The following ENPP6 variants were observed in gnomAD, a reference collection of about 807,000 sequenced individuals.
ENPP6 encodes ectonucleotide pyrophosphatase/phosphodiesterase 6.
In ENPP6, 32 loss-of-function variants were observed where a neutral mutation model predicts 42.0. That is an observed-to-expected ratio of 0.76 (90% CI 0.58 to 1.02). The LOEUF (loss-of-function observed/expected upper bound fraction) is 1.02. Ranked by LOEUF, ENPP6 falls within the 50% of genes least tolerant of loss-of-function variation. The pLI is 0.00. For missense variants in ENPP6, 552 were observed against 566.8 expected, an observed-to-expected ratio of 0.97 and a Z score of 0.27; for synonymous variants, 213 against 216.0, an observed-to-expected ratio of 0.99 and a Z score of 0.12.
intron 1 of ENPP6, among the ~76,000 whole-genome samples, chr4:184,210,138 A>C (rs2111124096): frequency 6.6e-6 from 1 of 151,774 alleles, no homozygotes; most frequent in African/African-American, 2.4e-5. Flanking sequence ...AATCATGCCA[A>C]AGTATAAAGA....
chr4:184,209,124 C>G lies in ENPP6; in HGVS notation c.241+8455G>C, dbSNP rs564091400. ...CAAAGACCAAAAGTAGATAAAACCA[C>G]AAAGATGGGGAAAAAACAGAACAGA... On this transcript the variant is annotated intron_variant, in intron 1 of 7. Transcript: ENST00000296741. Among the ~76,000 whole-genome samples, 10 of 150,890 alleles carry G rather than the reference C, an allele frequency of 6.6e-5. No individual in the cohort carries two copies. In the South Asian group the frequency reaches 2.1e-3, roughly 32 times the overall value.
chr4:184,186,634 G>A (rs946453339), intron 1 of ENPP6, among the ~76,000 whole-genome samples: 7 of 152,160 alleles, frequency 4.6e-5, no homozygotes, highest in African/African-American at 1.7e-4. Context: ...ATGGTCAAAA[G>A]GTTAAATACA....
chr4:184,131,606 C>G (rs925341202), intron 2 of ENPP6, among the ~76,000 whole-genome samples: 12 of 151,362 alleles, frequency 7.9e-5, no homozygotes, highest in Admixed American at 7.2e-4. Context: ...TCAGGTGATC[C>G]ACCTGCCTTG....
At chr4:184,155,685 C>G (rs1473276669) in intron 1 of ENPP6, among the ~76,000 whole-genome samples, 3 of 152,182 alleles carry the variant, frequency 2.0e-5, no homozygotes, top group African/African-American at 4.8e-5. Context: ...CATTTTAGAA[C>G]AAGGCCATGA....
At position 184,130,430 on chromosome 4, in the gene ENPP6, C is replaced by G. The variant is rs575969538; in HGVS notation, c.422-6158G>C. ...AAAATTAGCCGGGCGTGGTGGTGGG[C>G]ACCTGTAGTCCCAGCTACTCGGGAG... On this transcript the variant is annotated intron_variant, in intron 2 of 7. Transcript: ENST00000296741. Among the ~76,000 whole-genome samples the G allele has an allele frequency of 6.6e-5, 7 of 106,536 alleles. No individual in the cohort carries two copies. In the East Asian group the frequency reaches 1.5e-3, roughly 23 times the overall value. The allele number at this position is 106,536 out of a possible 152,430, so 69.9% of individuals were successfully genotyped here.
At chr4:184,195,323 C>T (rs1292865197) in intron 1 of ENPP6, among the ~76,000 whole-genome samples, 4 of 152,138 alleles carry the variant, frequency 2.6e-5, no homozygotes, top group African/African-American at 9.7e-5. Context: ...TTGTTTCCCT[C>T]TATGTGTCCA....
chr4:184,141,573 A>T (rs567286603), intron 2 of ENPP6, among the ~76,000 whole-genome samples: 1 of 152,312 alleles, frequency 6.6e-6, no homozygotes, highest in East Asian at 1.9e-4. Context: ...ATTCCCAGGG[A>T]ACATCGCAGG....
chr4:184,179,830 A>T (rs1262635490), intron 1 of ENPP6, among the ~76,000 whole-genome samples: 1 of 152,228 alleles, frequency 6.6e-6, no homozygotes, highest in Non-Finnish European at 1.5e-5. Context: ...CAATGAGAAC[A>T]AAGAGACAAT....
Position 184,112,239 on chromosome 4 carries a change from T to A in ENPP6, c.993+433A>T, listed in dbSNP as rs187567175. Among the ~76,000 whole-genome samples the A allele has an allele frequency of 6.6e-5, 10 of 152,322 alleles. No homozygotes were observed. In the East Asian group the frequency reaches 1.9e-3, roughly 29 times the overall value. ...ACAAAAAATGCATGATATTCTCCTC[T>A]GAAAGATCAAATTGGCAAACTGGGG... On this transcript the variant is annotated intron_variant, in intron 6 of 7. Transcript: ENST00000296741.
At chr4:184,211,508 G>T (rs963403040) in intron 1 of ENPP6, among the ~76,000 whole-genome samples, 1 of 152,134 alleles carries the variant, frequency 6.6e-6, no homozygotes, top group East Asian at 1.9e-4. Flanking sequence ...TACATTCCTC[G>T]ACACATACAC....
chr4:184,185,771 T>G (rs1202231634), intron 1 of ENPP6, among the ~76,000 whole-genome samples: 1 of 152,234 alleles, frequency 6.6e-6, no homozygotes, highest in Non-Finnish European at 1.5e-5. Context: ...ACAATTTCTC[T>G]TAATGCAGAG....
chr4:184,103,784 T>A (rs1038473723), intron 6 of ENPP6, among the ~76,000 whole-genome samples: 1 of 152,210 alleles, frequency 6.6e-6, no homozygotes, highest in African/African-American at 2.4e-5. Context: ...TCCAAAGGGA[T>A]GTTCCTCTAA....
Position 184,208,955 on chromosome 4 carries a change from G to A in ENPP6, c.241+8624C>T, listed in dbSNP as rs1374255882. ...TGACCCCCGAGCAGCCTAACTGGGA[G>A]GCACCCCCCAGCAGGAGCACACTGA... On this transcript the variant is annotated intron_variant, in intron 1 of 7. Transcript: ENST00000296741. Among the ~76,000 whole-genome samples the A allele has an allele frequency of 2.1e-4, 30 of 141,606 alleles. No homozygotes were observed. In the South Asian group the frequency reaches 2.5e-3, roughly 12 times the overall value. The allele number at this position is 141,606 out of a possible 152,430, so 92.9% of individuals were successfully genotyped here. A position where few individuals can be genotyped will look rare whatever the true frequency, so the allele number is the denominator to read the frequency against.
intron 1 of ENPP6, among the ~76,000 whole-genome samples, chr4:184,196,228 C>T (rs1006374251): frequency 6.6e-6 from 1 of 152,228 alleles, no homozygotes; most frequent in Non-Finnish European, 1.5e-5. Flanking sequence ...GTCGCCTCAG[C>T]GAACCTTCCC....
chr4:184,139,240 A>G (rs1324311719), intron 2 of ENPP6, among the ~76,000 whole-genome samples: 1 of 152,246 alleles, frequency 6.6e-6, no homozygotes, highest in Non-Finnish European at 1.5e-5. Context: ...CCAGCAATAA[A>G]TGACAATGGC....
Position 184,091,083 on chromosome 4 carries a change from T to G in ENPP6, c.*94A>C. ...ATGTGCATGGTCTTGATTGTGTTAA[T>G]GAAGCTATTATTCACACATAAAATG... On this transcript the variant is annotated 3_prime_UTR_variant, in exon 8 of 8. Transcript: ENST00000296741. The G allele has an allele frequency of 8.5e-7, 1 of 1,176,634 alleles. No homozygotes were observed. Among genetic ancestry groups the G allele is most frequent in the South Asian group, 1.6e-5 (1 of 61,752 alleles). 72.9% of individuals were successfully genotyped at this position (1,176,634 alleles called of 1,614,324 possible). A position where few individuals can be genotyped will look rare whatever the true frequency, so the allele number is the denominator to read the frequency against.
At chr4:184,189,176 A>G (rs1368256776) in intron 1 of ENPP6, among the ~76,000 whole-genome samples, 1 of 152,168 alleles carries the variant, frequency 6.6e-6, no homozygotes, top group Non-Finnish European at 1.5e-5. Context: ...TTCTCCTCTC[A>G]GCCGCCTTCC....
At chr4:184,197,993 T>G (rs1402377654) in intron 1 of ENPP6, among the ~76,000 whole-genome samples, 1 of 152,094 alleles carries the variant, frequency 6.6e-6, no homozygotes, top group Non-Finnish European at 1.5e-5. Flanking sequence ...GCTGTCGGCC[T>G]TAAGGGCGAG....
At chr4:184,102,475 A>C (rs1196375104) in intron 6 of ENPP6, among the ~76,000 whole-genome samples, 1 of 152,212 alleles carries the variant, frequency 6.6e-6, no homozygotes, top group African/African-American at 2.4e-5. Context: ...TTTCTTGCCC[A>C]TTCCTTCCTA....
Sources: allele counts gnomAD v4.1 joint callset (sites outside exome capture counted in the v4.1 genomes callset), GRCh38; gene constraint gnomAD v4.1.1; transcripts MANE v1.5; gene names NCBI Gene and HGNC (gene_info 2026-07-23, HGNC 2026-07-21).